Variants in P2RY6 observed in about 807,000 individuals in gnomAD.
P2RY6 encodes the protein P2Y purinoceptor 6.
P2RY6 carries 19 observed loss-of-function variants against 16.3 expected under a neutral mutation model. The ratio of observed to expected loss-of-function variants is 1.16; its 90% CI spans 0.81 to 1.71. The LOEUF (loss-of-function observed/expected upper bound fraction) is 1.71, where lower values mean the gene tolerates loss of function less well. Ranked by LOEUF, P2RY6 falls within the 40% of genes most tolerant of loss-of-function variation. The pLI is 0.00. For synonymous variants in P2RY6, 184 were observed against 201.5 expected (o/e 0.91, Z 0.74); for missense variants, 389 against 455.5 (o/e 0.85, Z 1.33).
chr11:73,293,918 C>T (rs1864374066), intron 1 of P2RY6, among the ~76,000 whole-genome samples: 1 of 151,944 alleles, frequency 6.6e-6, no homozygotes, highest in Non-Finnish European at 1.5e-5. Context: ...AGCATGTTCT[C>T]CTCCTCACCA....
At chr11:73,291,691 C>G (rs1404197872) in intron 1 of P2RY6, among the ~76,000 whole-genome samples, 4 of 152,236 alleles carry the variant, frequency 2.6e-5, no homozygotes, top group African/African-American at 9.6e-5. Context: ...TTTAAAGGCA[C>G]CTTCAGCTCT....
rs776020551 is a variant in P2RY6, at chr11:73,286,107, C to T, written c.-120-9623C>T. ...CCCAGTCAGGGAGGCTTCAGAGAGC[C>T]CCCTTCTCTGAGGGGATGATGGGGA... On this transcript the variant is annotated intron_variant, in intron 1 of 2. Transcript: ENST00000540124. 3.8e-4 allele frequency among the ~76,000 whole-genome samples: 58 copies of T among 152,186 alleles called. 1 individual carries two copies. The highest frequency in any genetic ancestry group is 9.8e-4 in the Admixed American group (15 of 15,280).
chr11:73,268,551 G>A (rs1278475176), upstream of P2RY6, among the ~76,000 whole-genome samples: 1 of 152,204 alleles, frequency 6.6e-6, no homozygotes, highest in African/African-American at 2.4e-5. Context: ...GAGCCCAGGA[G>A]GTCAAGGCTG....
chr11:73,265,979 T>C (rs995260825), intron 1 of P2RY6, among the ~76,000 whole-genome samples: 2 of 152,180 alleles, frequency 1.3e-5, no homozygotes, highest in Non-Finnish European at 2.9e-5. Flanking sequence ...GGATATTAAG[T>C]GGCTGGCACA....
At position 73,289,874 on chromosome 11, in the gene P2RY6, C is replaced by T. The variant is rs143859127; in HGVS notation, c.-120-5856C>T. ...TAAAGGGGAGGGAATAATCCACCCC[C>T]CACCAAATTGCCCAGAACTGCAGAT... On this transcript the variant is annotated intron_variant, in intron 1 of 2. Transcript: ENST00000540124. Among the ~76,000 whole-genome samples, 289 of 152,322 alleles carry T rather than the reference C, an allele frequency of 1.9e-3. 8 individuals carry two copies. Among genetic ancestry groups the T allele is most frequent in the Admixed American group, 0.018 (276 of 15,296 alleles).
intron 1 of P2RY6, among the ~76,000 whole-genome samples, chr11:73,279,505 T>C (rs1021415569): frequency 1.3e-5 from 2 of 152,252 alleles, no homozygotes; most frequent in African/African-American, 4.8e-5. Flanking sequence ...TATCAGTTTA[T>C]ATAAATAAAA....
intron 1 of P2RY6, among the ~76,000 whole-genome samples, chr11:73,293,774 G>A (rs1325864770): frequency 1.3e-5 from 2 of 152,218 alleles, no homozygotes. Flanking sequence ...GGGGTCCCAG[G>A]AGGATCAGTC....
intron 1 of P2RY6, among the ~76,000 whole-genome samples, chr11:73,291,399 C>T (rs1864241169): frequency 1.3e-5 from 2 of 152,242 alleles, no homozygotes; most frequent in South Asian, 4.1e-4. Flanking sequence ...GGGAGGTTGT[C>T]CCAGGGACCC....
rs1337598909 is a variant in P2RY6 at position 73,295,797 on chromosome 11, G to A, written c.-53G>A. Reference sequence around the variant, plus strand: ...GAGTTCAGGCTGAGGAGATGGGTGCGGTCCTCAGTGAGCCCCTGGTGTGTG... The same window carrying A: ...GAGTTCAGGCTGAGGAGATGGGTGCAGTCCTCAGTGAGCCCCTGGTGTGTG... On this transcript the variant is annotated 5_prime_UTR_variant, in exon 2 of 3. Transcript: ENST00000540124. 18 of 984,398 alleles carry A rather than the reference G, an allele frequency of 1.8e-5. No individual in the cohort carries two copies. Among genetic ancestry groups the A allele is most frequent in the South Asian group, 4.7e-5 (1 of 21,264 alleles). The allele number at this position is 984,398 out of a possible 1,614,324, so 61.0% of individuals were successfully genotyped here.
chr11:73,291,996 G>A (rs2135748537), intron 1 of P2RY6, among the ~76,000 whole-genome samples: 1 of 152,346 alleles, frequency 6.6e-6, no homozygotes, highest in African/African-American at 2.4e-5. Context: ...CGCCCTCTTG[G>A]AATGCTGCTT....
intron 1 of P2RY6, among the ~76,000 whole-genome samples, chr11:73,290,663 G>T (rs1045046112): frequency 4.6e-5 from 7 of 152,274 alleles, no homozygotes; most frequent in African/African-American, 1.4e-4. Flanking sequence ...GCCCTCTTCA[G>T]CCTTGTTATG....
upstream of P2RY6, among the ~76,000 whole-genome samples, chr11:73,268,673 G>A (rs779572348): frequency 6.6e-6 from 1 of 152,196 alleles, no homozygotes; most frequent in Non-Finnish European, 1.5e-5. Flanking sequence ...CACCAACCAT[G>A]CTTCCTGCAA....
chr11:73,270,001 C>T (rs1427954386), upstream of P2RY6: 1 of 152,148 alleles, frequency 6.6e-6, no homozygotes, highest in East Asian at 1.9e-4. Context: ...CATCAAGGAT[C>T]AAGGACCTGC....
upstream of P2RY6, chr11:73,272,310 T>C: frequency 1.0e-6 from 1 of 984,876 alleles, no homozygotes; most frequent in Non-Finnish European, 1.2e-6. Flanking sequence ...TCCCCAGGTC[T>C]CTCGGTTTCC....
chr11:73,271,884 C>T (rs934076415), upstream of P2RY6: 10 of 152,156 alleles, frequency 6.6e-5, no homozygotes, highest in Non-Finnish European at 1.2e-4. Context: ...CCATTAATCT[C>T]GGGGTCTCAG....
intron 1 of P2RY6, among the ~76,000 whole-genome samples, chr11:73,281,147 C>T (rs1015169808): frequency 1.2e-4 from 18 of 152,158 alleles, no homozygotes; most frequent in Non-Finnish European, 5.9e-5. Flanking sequence ...CTGGCCTCTC[C>T]AGGTGGGATT....
intron 1 of P2RY6, among the ~76,000 whole-genome samples, chr11:73,287,512 G>A (rs1371894888): frequency 6.6e-6 from 1 of 152,224 alleles, no homozygotes; most frequent in Non-Finnish European, 1.5e-5. Context: ...GGGGGTCTGG[G>A]AACTGGGTGG....
intron 1 of P2RY6, among the ~76,000 whole-genome samples, chr11:73,284,495 G>A (rs954671000): frequency 6.6e-5 from 10 of 152,260 alleles, no homozygotes; most frequent in Admixed American, 1.3e-4. Flanking sequence ...CCTGCCAGGC[G>A]AAGTTCTATT....
At chr11:73,277,974 T>TTTTG (rs143158419) in intron 1 of P2RY6, among the ~76,000 whole-genome samples, 24 of 151,590 alleles carry the variant, frequency 1.6e-4, no homozygotes, top group South Asian at 2.1e-4. Context: ...CAAGGCTGAG[T>TTTTG]TTTGTTTGTT....
Sources: gnomAD v4.1 joint callset for allele counts (sites outside exome capture counted in the v4.1 genomes callset) on GRCh38, gnomAD v4.1.1 for gene constraint, MANE v1.5 for transcripts, NCBI Gene and HGNC (gene_info 2026-07-23, HGNC 2026-07-21) for gene names.